Variants in ABLIM1 observed in about 807,000 individuals in gnomAD.
The protein encoded by ABLIM1 is actin binding LIM protein 1, also known as actin-binding LIM protein 1.
ABLIM1 carries 40 observed loss-of-function variants against 107.0 expected under a neutral mutation model. The observed-to-expected ratio is 0.37, with a 90% CI of 0.29 to 0.49. The LOEUF is 0.49. Ranked by LOEUF, ABLIM1 falls within the 20% of genes least tolerant of loss-of-function variation. ABLIM1 has a pLI of 0.97. For missense variants in ABLIM1, 857 were observed against 1,008.5 expected (o/e 0.85, Z 2.04); for synonymous variants, 357 against 357.3 (o/e 1.00, Z 0.01).
rs2076007772 is a variant in ABLIM1 at position 114,601,599 on chromosome 10, A to G, written c.379+228T>C. On this transcript the variant is annotated intron_variant, in intron 2 of 22. Coordinates refer to ENST00000533213, the MANE Select transcript of ABLIM1 (RefSeq NM_002313.7). ...CAGTGTTAGTCCCTTCTTCCAGGAGAAGGGGCCTCAGTGAGCACCCAAAGG... is the reference window on the plus strand; with the variant it reads ...CAGTGTTAGTCCCTTCTTCCAGGAGGAGGGGCCTCAGTGAGCACCCAAAGG... The G allele has an allele frequency of 1.4e-5, 9 of 648,594 alleles. No individual in the cohort carries two copies. In the South Asian group the frequency reaches 1.5e-4, roughly 11 times the overall value. 40.2% of individuals were successfully genotyped at this position (648,594 alleles called of 1,614,324 possible). A position where few individuals can be genotyped will look rare whatever the true frequency, so the allele number is the denominator to read the frequency against.
chr10:114,436,469 G>A (rs2059409488), intron 22 of ABLIM1, 96 bp from the exon 23 acceptor site: 2 of 904,576 alleles, frequency 2.2e-6, no homozygotes, highest in Admixed American at 4.7e-5. Context: ...GAGTCATTCT[G>A]AAGAACAAGG....
At chr10:114,651,289 A>G (rs1205930795) in intron 1 of ABLIM1, among the ~76,000 whole-genome samples, 1 of 152,208 alleles carries the variant, frequency 6.6e-6, no homozygotes, top group East Asian at 1.9e-4. Context: ...GCCCTCAGAG[A>G]GGACCTCAGT....
chr10:114,469,224 G>A (rs1042116164), intron 10 of ABLIM1, among the ~76,000 whole-genome samples: 12 of 152,104 alleles, frequency 7.9e-5, no homozygotes, highest in Non-Finnish European at 1.0e-4. Flanking sequence ...CATGGTTGTT[G>A]ACTAAATTAC....
At chr10:114,767,915 G>A in intron 1 of ABLIM1, 2 of 309,254 alleles carry the variant, frequency 6.5e-6, no homozygotes, top group Non-Finnish European at 1.3e-5. Context: ...CCCTGCCCCC[G>A]GCCCCCGGCA....
At chr10:114,750,812 CAATG>C (rs1010370209) in intron 1 of ABLIM1, among the ~76,000 whole-genome samples, 2 of 152,122 alleles carry the variant, frequency 1.3e-5, no homozygotes, top group Non-Finnish European at 2.9e-5. Context: ...ATTTTTCCTG[CAATG>C]AATAATACAA....
chr10:114,462,089 T>G (rs1355194634), intron 12 of ABLIM1, among the ~76,000 whole-genome samples: 1 of 152,104 alleles, frequency 6.6e-6, no homozygotes, highest in Admixed American at 6.5e-5. Context: ...AACAACCAAG[T>G]GAGCACAAAG....
chr10:114,524,045 G>A (rs2064214040), intron 6 of ABLIM1, among the ~76,000 whole-genome samples: 1 of 152,190 alleles, frequency 6.6e-6, no homozygotes, highest in East Asian at 1.9e-4. Flanking sequence ...ACAGCTCTCT[G>A]ATAACATTAT....
intron 1 of ABLIM1, among the ~76,000 whole-genome samples, chr10:114,626,969 A>G (rs1358180962): frequency 6.6e-6 from 1 of 152,174 alleles, no homozygotes; most frequent in African/African-American, 2.4e-5. Context: ...AGCATAGGAC[A>G]GATTCTCCTG....
intron 1 of ABLIM1, among the ~76,000 whole-genome samples, chr10:114,617,993 TA>T (rs1242735086): frequency 2.0e-5 from 3 of 152,096 alleles, no homozygotes; most frequent in Non-Finnish European, 4.4e-5. Flanking sequence ...CAAATATGCT[TA>T]TAATGCATGA....
chr10:114,623,677 C>T (rs1217432168), intron 1 of ABLIM1, among the ~76,000 whole-genome samples: 1 of 152,216 alleles, frequency 6.6e-6, no homozygotes, highest in African/African-American at 2.4e-5. Flanking sequence ...CTCAGGCCTT[C>T]TCCCAGACCT....
chr10:114,470,655 G>A (rs143994920), intron 10 of ABLIM1, among the ~76,000 whole-genome samples: 70 of 152,210 alleles, frequency 4.6e-4, no homozygotes, highest in African/African-American at 6.7e-4. Context: ...TGCTGATTAC[G>A]AGAGTAGCCA....
intron 6 of ABLIM1, among the ~76,000 whole-genome samples, chr10:114,536,404 C>T (rs4255462): frequency 0.067 from 10,230 of 151,668 alleles, 488 homozygotes; most frequent in Admixed American, 0.1. Context: ...ACTGCCACCA[C>T]GCCCAGCTAA....
chr10:114,564,803 A>T (rs1342679485), intron 4 of ABLIM1, among the ~76,000 whole-genome samples: 1 of 152,144 alleles, frequency 6.6e-6, no homozygotes, highest in Non-Finnish European at 1.5e-5. Context: ...GTCAACCGTT[A>T]TACTGTGCTC....
chr10:114,726,082 C>T (rs185986504), intron 1 of ABLIM1, among the ~76,000 whole-genome samples: 24 of 151,916 alleles, frequency 1.6e-4, no homozygotes, highest in African/African-American at 5.6e-4. Context: ...TTTTTAAAAG[C>T]GTTTCCATAT....
chr10:114,741,416 G>C (rs973778966), intron 1 of ABLIM1, among the ~76,000 whole-genome samples: 35 of 151,284 alleles, frequency 2.3e-4, no homozygotes, highest in Admixed American at 1.3e-4. Flanking sequence ...TAGTAGAGAT[G>C]GGGTTTCACC....
intron 12 of ABLIM1, among the ~76,000 whole-genome samples, chr10:114,460,130 A>G (rs1242328681): frequency 6.6e-6 from 1 of 152,198 alleles, no homozygotes; most frequent in Non-Finnish European, 1.5e-5. Flanking sequence ...ACTGAAACGC[A>G]TGGCCCTCAT....
chr10:114,664,551 T>C (rs1219141066), intron 1 of ABLIM1, among the ~76,000 whole-genome samples: 1 of 150,920 alleles, frequency 6.6e-6, no homozygotes, highest in South Asian at 2.1e-4. Flanking sequence ...GTTATTTTAT[T>C]TTATTTTTTT....
upstream of ABLIM1, among the ~76,000 whole-genome samples, chr10:114,660,883 C>A (rs982154165): frequency 1.3e-5 from 2 of 152,108 alleles, no homozygotes; most frequent in Non-Finnish European, 2.9e-5. Context: ...ATCTTCCTGA[C>A]CTGGAAAAAA....
chr10:114,601,919 A>G lies in ABLIM1; in HGVS notation c.287T>C (p.Val96Ala). Reference protein sequence around the residue: ...QDPHHPSEKPVIHCHKCGEPC... With the variant: ...QDPHHPSEKPAIHCHKCGEPC... The stretch of plus-strand genomic sequence containing the variant: ...CTCCCCACATTTATGGCAGTGAATG[A>G]CAGGCTTCTCTGATGGGTGGTGAGG... Residue 96 changes from valine (V) to alanine (A), a missense_variant, in exon 2 of 23, where the codon GTC becomes GCC. Transcript: ENST00000533213. The G allele has an allele frequency of 1.9e-6, 3 of 1,614,142 alleles. No individual in the cohort carries two copies. The highest frequency in any genetic ancestry group is 2.5e-6 in the Non-Finnish European group (3 of 1,180,024).
Sources: gnomAD v4.1 joint callset for allele counts (sites outside exome capture counted in the v4.1 genomes callset) on GRCh38, gnomAD v4.1.1 for gene constraint, MANE v1.5 for transcripts, NCBI Gene and HGNC (gene_info 2026-07-23, HGNC 2026-07-21) for gene names.